The following H2AJ variants were observed in gnomAD, a reference collection of about 807,000 sequenced individuals.
H2AJ encodes the protein histone H2A.J.
A neutral mutation model predicts 7.9 loss-of-function variants in H2AJ; 3 were observed. The ratio of observed to expected loss-of-function variants is 0.38; its 90% confidence interval spans 0.17 to 0.98. The LOEUF (loss-of-function observed/expected upper bound fraction) is 0.98, where lower values mean the gene tolerates loss of function less well. Ranked by LOEUF, H2AJ falls within the 50% of genes least tolerant of loss-of-function variation. The pLI is 0.39. For synonymous variants in H2AJ, 98 were observed against 85.7 expected (o/e 1.14, Z -0.79); for missense variants, 128 against 174.4 (o/e 0.73, Z 1.50).
At chr12:14,775,670 T>C (rs1211309568), downstream of H2AJ, 1 of 319,194 alleles carries the variant, frequency 3.1e-6, no homozygotes, top group African/African-American at 2.2e-5. Context: ...TAAAGTGATG[T>C]TGTCAAGTTT....
Position 14,774,941 on chromosome 12 carries a change from G to A in H2AJ, c.*81G>A. The A allele has an allele frequency of 6.8e-7, 1 of 1,476,346 alleles. No individual in the cohort carries two copies. The allele number at this position is 1,476,346 out of a possible 1,614,324, so 91.5% of individuals were successfully genotyped here. On this transcript the variant is annotated 3_prime_UTR_variant, in exon 1 of 1. Coordinates refer to ENST00000544848, the MANE Select transcript of H2AJ (RefSeq NM_177925.5). ...GTCCCGCAATGCTTTTGAATGTGCT[G>A]GATGTCATGGAGGGCCGGTGACATC...
chr12:14,777,096 T>C (rs1452537536), downstream of H2AJ: 1 of 165,496 alleles, frequency 6.0e-6, no homozygotes. Context: ...TTTTGAGAGT[T>C]TTTTTTTTAA....
At position 14,774,896 on chromosome 12, in the gene H2AJ, C is replaced by G. The variant is rs763264733; in HGVS notation, c.*36C>G. On this transcript the variant is annotated 3_prime_UTR_variant, in exon 1 of 1. Transcript: ENST00000544848. ...GCCCTCAGGGAGCTGGCTCCCCCAG[C>G]AAAGGCCCTTTTCATGGTCGTCCCG... 2 of 1,596,502 alleles carry G rather than the reference C, an allele frequency of 1.3e-6. No individual in the cohort carries two copies. The highest frequency in any genetic ancestry group is 3.5e-5 in the Admixed American group (2 of 56,958).
At chr12:14,775,712 T>C (rs757688536), downstream of H2AJ, 1 of 257,830 alleles carries the variant, frequency 3.9e-6, no homozygotes, top group Non-Finnish European at 8.3e-6. Flanking sequence ...CTTCATCATA[T>C]CATATTCACT....
chr12:14,775,559 G>A (rs17761740), downstream of H2AJ: 7,283 of 379,356 alleles, frequency 0.019, 97 homozygotes, highest in Non-Finnish European at 0.028. Flanking sequence ...TGAAGGAAAC[G>A]TTCAATAAGT....
chr12:14,775,462 C>G (rs902110354), downstream of H2AJ: 3 of 470,822 alleles, frequency 6.4e-6, no homozygotes, highest in African/African-American at 2.0e-5. Flanking sequence ...ACTTGAGATT[C>G]TTCCTAGCCT....
In H2AJ at chr12:14,774,411, C is replaced by A. The variant is rs1248115662; in HGVS notation, c.-60C>A. On this transcript the variant is annotated 5_prime_UTR_variant, in exon 1 of 1. Transcript: ENST00000544848. ...AGTTCGGGTGCGGTACGTTGCATTC[C>A]GGTACCGGACGCCGAGAGCGGTTTG... The A allele has an allele frequency of 2.6e-6, 4 of 1,516,034 alleles. No homozygotes were observed. The South Asian group carries it at 5.3e-5, about 20-fold the overall frequency. 93.9% of individuals were successfully genotyped at this position (1,516,034 alleles called of 1,614,324 possible).
downstream of H2AJ, chr12:14,775,996 A>G (rs972657393): frequency 3.6e-5 from 6 of 167,224 alleles, no homozygotes; most frequent in African/African-American, 1.2e-4. Flanking sequence ...ACTAGTAATC[A>G]TCTTCTGCCC....
downstream of H2AJ, chr12:14,777,700 A>G (rs1949658989): frequency 6.0e-6 from 1 of 167,106 alleles, no homozygotes; most frequent in East Asian, 1.9e-4. Context: ...TTCATCTCTA[A>G]AATGGGCATA....
chr12:14,777,039 C>G (rs1407687811), downstream of H2AJ: 1 of 167,266 alleles, frequency 6.0e-6, no homozygotes, highest in African/African-American at 2.4e-5. Context: ...CATCCCCTCA[C>G]ATACTCTGCC....
Position 14,774,411 on chromosome 12 carries a change from C to G in H2AJ, c.-60C>G. ...AGTTCGGGTGCGGTACGTTGCATTC[C>G]GGTACCGGACGCCGAGAGCGGTTTG... is the stretch of plus-strand genomic sequence containing the variant. On this transcript the variant is annotated 5_prime_UTR_variant, in exon 1 of 1. Transcript: ENST00000544848. 1 of 1,516,152 alleles carries G rather than the reference C, an allele frequency of 6.6e-7. No homozygotes were observed. Among genetic ancestry groups the G allele is most frequent in the Non-Finnish European group, 8.8e-7 (1 of 1,133,028 alleles). 93.9% of individuals were successfully genotyped at this position (1,516,152 alleles called of 1,614,324 possible).
At chr12:14,775,304 C>G (rs913959636), downstream of H2AJ, 1 of 471,946 alleles carries the variant, frequency 2.1e-6, no homozygotes, top group African/African-American at 2.0e-5. Flanking sequence ...CTTCGCTCTC[C>G]TGCCAGTTTG....
At chr12:14,775,321 C>G (rs369101211), downstream of H2AJ, 9 of 471,580 alleles carry the variant, frequency 1.9e-5, no homozygotes, top group Non-Finnish European at 3.1e-5. Flanking sequence ...TTTGTGAGCA[C>G]TCAGGACCAA....
Position 14,774,734 on chromosome 12 carries a change from C to T in H2AJ, c.264C>T (p.Ile88=). Residue 88 remains isoleucine (I), a synonymous_variant, in exon 1 of 1, where the codon ATC becomes ATT. Transcript: ENST00000544848. The part of the protein sequence containing the change: ...RIIPRHLQLA[I]RNDEELNKLL... Reference sequence around the variant, plus strand: ...TTCCCCGCCACCTGCAGCTCGCCATCCGCAACGACGAGGAGTTAAACAAGC... The same window carrying T: ...TTCCCCGCCACCTGCAGCTCGCCATTCGCAACGACGAGGAGTTAAACAAGC... 6.2e-7 allele frequency: 1 copy of T among 1,614,228 alleles called. No homozygotes were observed. The highest frequency in any genetic ancestry group is 1.1e-5 in the South Asian group (1 of 91,082).
At chr12:14,777,563 T>C (rs2137217725), downstream of H2AJ, 1 of 167,132 alleles carries the variant, frequency 6.0e-6, no homozygotes, top group African/African-American at 2.4e-5. Flanking sequence ...CCCCTTCCAG[T>C]GGTTGAAAGG....
chr12:14,776,292 C>T (rs1384121782), downstream of H2AJ: 1 of 167,078 alleles, frequency 6.0e-6, no homozygotes, highest in Admixed American at 6.5e-5. Context: ...ATGAGGCCAA[C>T]CAGATTTCCA....
At chr12:14,775,088 C>G (rs1043592960), downstream of H2AJ, 1 of 579,434 alleles carries the variant, frequency 1.7e-6, no homozygotes, top group Admixed American at 3.1e-5. Flanking sequence ...GGGGGGCGAC[C>G]GGGAAACCCC....
In H2AJ at chr12:14,774,494, C is replaced by T; in HGVS notation, c.24C>T (p.Gly8=). 2 of 1,583,604 alleles carry T rather than the reference C, an allele frequency of 1.3e-6. No homozygotes were observed. Among genetic ancestry groups the T allele is most frequent in the South Asian group, 1.2e-5 (1 of 86,450 alleles). Residue 8 remains glycine, a synonymous_variant, in exon 1 of 1, where the codon GGC becomes GGT. Coordinates refer to ENST00000544848, the MANE Select transcript of H2AJ (RefSeq NM_177925.5). ...TCATGTCCGGTCGCGGGAAACAGGG[C>T]GGCAAAGTGCGAGCAAAGGCCAAAT... The part of the protein sequence containing the change: MSGRGKQ[G]GKVRAKAKSR...
Position 14,774,441 on chromosome 12 carries a change from C to G in H2AJ, c.-30C>G. 6.5e-7 allele frequency: 1 copy of G among 1,531,608 alleles called. No individual in the cohort carries two copies. The highest frequency in any genetic ancestry group is 1.8e-4 in the Middle Eastern group (1 of 5,622). 94.9% of individuals were successfully genotyped at this position (1,531,608 alleles called of 1,614,324 possible). A position where few individuals can be genotyped will look rare whatever the true frequency, so the allele number is the denominator to read the frequency against. On this transcript the variant is annotated 5_prime_UTR_variant, in exon 1 of 1. Transcript: ENST00000544848. ...CCGGACGCCGAGAGCGGTTTGTCTC[C>G]GTCTCTGGAGTTGTAGGCGAGAGGT...
Sources: allele counts gnomAD v4.1 joint callset, GRCh38; gene constraint gnomAD v4.1.1; transcripts MANE v1.5; gene names NCBI Gene and HGNC (gene_info 2026-07-23, HGNC 2026-07-21).